The following PLEKHA5 variants were observed in gnomAD, a reference collection of about 807,000 sequenced individuals.
PLEKHA5 encodes the protein pleckstrin homology domain containing A5.
PLEKHA5 carries 55 observed loss-of-function variants against 181.9 expected under a neutral mutation model. That is an observed-to-expected ratio of 0.30 (90% CI 0.24 to 0.38). PLEKHA5 has a LOEUF of 0.38. Among genes scored for constraint, PLEKHA5 ranks in the 10% least tolerant of loss-of-function variants. PLEKHA5 has a pLI of 1.00. For missense variants in PLEKHA5, 1,432 were observed against 1,549.5 expected, an observed-to-expected ratio of 0.92 and a Z score of 1.27; for synonymous variants, 535 against 529.4, an observed-to-expected ratio of 1.01 and a Z score of -0.15.
At chr12:19,330,623 A>T (rs2092747316) in intron 20 of PLEKHA5, among the ~76,000 whole-genome samples, 1 of 152,122 alleles carries the variant, frequency 6.6e-6, no homozygotes, top group Admixed American at 6.6e-5. Flanking sequence ...CACATTCTTC[A>T]AATGTGAGCC....
intron 16 of PLEKHA5, among the ~76,000 whole-genome samples, chr12:19,318,206 G>T (rs558426248): frequency 6.6e-6 from 1 of 151,612 alleles, no homozygotes; most frequent in Non-Finnish European, 1.5e-5. Context: ...TAAGGATTTG[G>T]TTAGTTGATG....
At chr12:19,152,879 G>A (rs959992065) in intron 3 of PLEKHA5, 86 of 151,990 alleles carry the variant, frequency 5.7e-4, no homozygotes, top group African/African-American at 2.1e-3. Flanking sequence ...CATAATATGT[G>A]TGGCAAATTT....
At chr12:19,306,700 G>C (rs2083850739) in intron 15 of PLEKHA5, 2 of 1,469,138 alleles carry the variant, frequency 1.4e-6, no homozygotes, top group South Asian at 1.1e-5. Flanking sequence ...GACTCTCTTC[G>C]GTTTCCTAGG....
chr12:19,156,974 G>A (rs1567946), intron 3 of PLEKHA5, among the ~76,000 whole-genome samples: 134,680 of 151,002 alleles, frequency 0.89, 60,855 homozygotes, highest in Non-Finnish European at 0.97. Context: ...CAGGAGAATC[G>A]CTTGAACCCG....
At chr12:19,254,559 G>C (rs961051941) in intron 4 of PLEKHA5, among the ~76,000 whole-genome samples, 9 of 152,202 alleles carry the variant, frequency 5.9e-5, no homozygotes, top group Non-Finnish European at 1.2e-4. Context: ...AGTGGCTCAC[G>C]CCTGTAATCC....
chr12:19,346,498 G>A (rs887967188), intron 23 of PLEKHA5, among the ~76,000 whole-genome samples: 7 of 151,710 alleles, frequency 4.6e-5, no homozygotes, highest in African/African-American at 1.5e-4. Flanking sequence ...AAAATTAGAC[G>A]GGCATGGTGT....
chr12:19,327,102 C>T (rs1360997559), intron 20 of PLEKHA5, among the ~76,000 whole-genome samples: 1 of 152,154 alleles, frequency 6.6e-6, no homozygotes, highest in Non-Finnish European at 1.5e-5. Flanking sequence ...CCAGTCAATG[C>T]AATTGCTTGG....
At chr12:19,139,724 G>A (rs1011200828) in intron 3 of PLEKHA5, among the ~76,000 whole-genome samples, 6 of 152,306 alleles carry the variant, frequency 3.9e-5, no homozygotes, top group African/African-American at 1.2e-4. Flanking sequence ...GCCTTAGCCC[G>A]TTGTGGGGGT....
intron 12 of PLEKHA5, among the ~76,000 whole-genome samples, chr12:19,285,890 T>C (rs931702738): frequency 6.6e-6 from 1 of 152,192 alleles, no homozygotes; most frequent in Non-Finnish European, 1.5e-5. Context: ...AAACACATGA[T>C]GGAGTTGCAA....
At chr12:19,197,486 C>T (rs1014412460) in intron 3 of PLEKHA5, among the ~76,000 whole-genome samples, 1 of 152,158 alleles carries the variant, frequency 6.6e-6, no homozygotes, top group African/African-American at 2.4e-5. Flanking sequence ...AACCACACTC[C>T]TGAGCCACAC....
intron 21 of PLEKHA5, among the ~76,000 whole-genome samples, chr12:19,338,198 CTA>C (rs1270057185): frequency 6.6e-6 from 1 of 152,098 alleles, no homozygotes; most frequent in Admixed American, 6.5e-5. Context: ...TGTTAACTAT[CTA>C]AATGTATTTA....
intron 3 of PLEKHA5, among the ~76,000 whole-genome samples, chr12:19,218,089 A>C (rs1273695117): frequency 6.6e-6 from 1 of 152,182 alleles, no homozygotes; most frequent in African/African-American, 2.4e-5. Flanking sequence ...CAGATGATTT[A>C]AGTTATTTCA....
chr12:19,305,114 C>G (rs2082821403), intron 15 of PLEKHA5, among the ~76,000 whole-genome samples: 1 of 152,114 alleles, frequency 6.6e-6, no homozygotes, highest in Admixed American at 6.5e-5. Context: ...CCTGCAGGGA[C>G]CAGACTAGGC....
At chr12:19,170,697 C>T (rs903609105) in intron 3 of PLEKHA5, among the ~76,000 whole-genome samples, 3 of 152,212 alleles carry the variant, frequency 2.0e-5, no homozygotes, top group Admixed American at 1.3e-4. Flanking sequence ...GGATTACAGG[C>T]GTGAGCCACC....
In PLEKHA5 at chr12:19,257,540, A is replaced by T; in HGVS notation, c.537+3A>T. 1 of 1,204,972 alleles carries T rather than the reference A, an allele frequency of 8.3e-7. No individual in the cohort carries two copies. The highest frequency in any genetic ancestry group is 1.2e-6 in the Non-Finnish European group (1 of 852,296). The allele number at this position is 1,204,972 out of a possible 1,614,324, so 74.6% of individuals were successfully genotyped here. A position where few individuals can be genotyped will look rare whatever the true frequency, so the allele number is the denominator to read the frequency against. Reference sequence around the variant, plus strand: ...GACGAGGTTGGCTTTATAAACAGGTATTTTTTTTTTTTTGATATGAAACAA... The same window carrying T: ...GACGAGGTTGGCTTTATAAACAGGTTTTTTTTTTTTTTTGATATGAAACAA... On this transcript the variant is annotated splice_donor_region_variant and intron_variant, in intron 6 of 31. Coordinates refer to ENST00000429027, the MANE Select transcript of PLEKHA5 (RefSeq NM_001256470.2).
intron 21 of PLEKHA5, among the ~76,000 whole-genome samples, chr12:19,339,266 C>G (rs1317691052): frequency 6.6e-6 from 1 of 152,104 alleles, no homozygotes; most frequent in Non-Finnish European, 1.5e-5. Flanking sequence ...GTCTTGAACA[C>G]CTGACCTCAG....
At chr12:19,136,857 A>G (rs762019865) in intron 3 of PLEKHA5, among the ~76,000 whole-genome samples, 1 of 152,170 alleles carries the variant, frequency 6.6e-6, no homozygotes, top group Non-Finnish European at 1.5e-5. Context: ...AATATCTGCA[A>G]TAGCTGGATC....
chr12:19,343,645 T>G (rs1396687233), intron 22 of PLEKHA5, among the ~76,000 whole-genome samples: 1 of 152,240 alleles, frequency 6.6e-6, no homozygotes, highest in Non-Finnish European at 1.5e-5. Flanking sequence ...CTGCACAGCA[T>G]GTGACTGTAC....
rs374817732 is a variant in PLEKHA5, at chr12:19,155,313, C to A, written c.227+22863C>A. Among the ~76,000 whole-genome samples the A allele has an allele frequency of 2.6e-5, 4 of 152,184 alleles. No homozygotes were observed. The South Asian group carries it at 8.3e-4, about 32-fold the overall frequency. ...ACCATGAGGTTACATCAAAACACTC[C>A]TATTATATGCTTCTGAATCATGAAC... On this transcript the variant is annotated intron_variant, in intron 3 of 31. Coordinates refer to ENST00000429027, the MANE Select transcript of PLEKHA5 (RefSeq NM_001256470.2).
Sources: allele counts gnomAD v4.1 joint callset (sites outside exome capture counted in the v4.1 genomes callset), GRCh38; gene constraint gnomAD v4.1.1; transcripts MANE v1.5; gene names NCBI Gene and HGNC (gene_info 2026-07-23, HGNC 2026-07-21).